The following IQCM variants were observed in gnomAD, a reference collection of about 807,000 sequenced individuals.
The protein encoded by IQCM is IQ motif containing M, also known as IQ domain-containing protein M.
Under a neutral mutation model 57.6 loss-of-function variants are expected in IQCM, and 45 were observed. The ratio of observed to expected loss-of-function variants is 0.78; its 90% confidence interval spans 0.62 to 1.00. The LOEUF is 1.00. IQCM is among the 50% of genes least tolerant of loss of function. The pLI is 0.00. For synonymous variants in IQCM, 148 were observed against 158.9 expected (o/e 0.93, Z 0.51); for missense variants, 468 against 511.6 (o/e 0.91, Z 0.82).
intron 13 of IQCM, among the ~76,000 whole-genome samples, chr4:149,412,903 T>C (rs930662116): frequency 6.6e-6 from 1 of 151,936 alleles, no homozygotes; most frequent in Non-Finnish European, 1.5e-5. Flanking sequence ...AAGTTCAGAG[T>C]GGCAAGGAGG....
chr4:149,610,603 A>C (rs1755193652), intron 8 of IQCM, among the ~76,000 whole-genome samples: 1 of 152,096 alleles, frequency 6.6e-6, no homozygotes, highest in African/African-American at 2.4e-5. Context: ...CAAAGGTGCC[A>C]AGAACACGGC....
intron 12 of IQCM, among the ~76,000 whole-genome samples, chr4:149,526,767 A>T (rs1579370077): frequency 6.6e-6 from 1 of 152,262 alleles, no homozygotes; most frequent in Non-Finnish European, 1.5e-5. Flanking sequence ...CAATATTTTA[A>T]ATATGTAAAC....
intron 2 of IQCM, among the ~76,000 whole-genome samples, chr4:149,810,362 C>CAAA (rs748565416): frequency 4.6e-5 from 4 of 86,232 alleles, no homozygotes; most frequent in Non-Finnish European, 5.6e-5. Flanking sequence ...ACACCATCTC[C>CAAA]AAAAAAAAAA....
At chr4:149,546,317 C>G (rs1357384473) in intron 12 of IQCM, among the ~76,000 whole-genome samples, 1 of 152,116 alleles carries the variant, frequency 6.6e-6, no homozygotes, top group Non-Finnish European at 1.5e-5. Flanking sequence ...ATTTATAATC[C>G]TTTGGGTATA....
At chr4:149,503,024 G>A (rs1743426754) in intron 12 of IQCM, among the ~76,000 whole-genome samples, 1 of 151,784 alleles carries the variant, frequency 6.6e-6, no homozygotes, top group Non-Finnish European at 1.5e-5. Context: ...ACCAGCCTGG[G>A]CAATATAGTG....
intron 13 of IQCM, among the ~76,000 whole-genome samples, chr4:149,425,683 G>C (rs75744424): frequency 0.01 from 1,592 of 152,004 alleles, 38 homozygotes; most frequent in African/African-American, 0.035. Flanking sequence ...ATGCTAAACT[G>C]GTCCAGAAAC....
chr4:149,448,610 A>G (rs1242295754), intron 12 of IQCM, among the ~76,000 whole-genome samples: 1 of 151,810 alleles, frequency 6.6e-6, no homozygotes, highest in Admixed American at 6.6e-5. Context: ...CAAAAAAAGA[A>G]GACAAAAAAT....
chr4:149,626,392 C>CATATATATATATATATAT lies in IQCM; in HGVS notation c.566-5149_566-5148insATATATATATATATATAT, dbSNP rs371051488. Among the ~76,000 whole-genome samples, 679 of 120,500 alleles carry CATATATATATATATATAT rather than the reference C, an allele frequency of 5.6e-3. 30 individuals are homozygous for CATATATATATATATATAT. Among genetic ancestry groups the CATATATATATATATATAT allele is most frequent in the African/African-American group, 0.01 (327 of 32,176 alleles). 79.1% of individuals were successfully genotyped at this position (120,500 alleles called of 152,430 possible). On this transcript the variant is annotated intron_variant, in intron 7 of 13. Transcript: ENST00000636793. ...GATTGTGTTAGTTATACTTAATAAA[C>CATATATATATATATATAT]ATATATATATATAAGTTTATAGCAA... is the stretch of plus-strand genomic sequence containing the variant.
At chr4:149,753,763 A>C (rs1387068831) in intron 2 of IQCM, among the ~76,000 whole-genome samples, 1 of 142,832 alleles carries the variant, frequency 7.0e-6, no homozygotes, top group Non-Finnish European at 1.5e-5. Context: ...AGACCAAAAA[A>C]AAAAAGATAT....
chr4:149,804,460 C>G (rs1773893757), intron 2 of IQCM, among the ~76,000 whole-genome samples: 1 of 152,036 alleles, frequency 6.6e-6, no homozygotes, highest in African/African-American at 2.4e-5. Context: ...ATCTGCCTGT[C>G]TCTCCAGTTT....
At chr4:149,561,057 C>T (rs917511721) in intron 10 of IQCM, among the ~76,000 whole-genome samples, 2 of 152,062 alleles carry the variant, frequency 1.3e-5, no homozygotes, top group Non-Finnish European at 2.9e-5. Context: ...ATCAACAAAG[C>T]AATCATCCAA....
intron 2 of IQCM, among the ~76,000 whole-genome samples, chr4:149,806,081 A>G (rs906325559): frequency 6.6e-6 from 1 of 151,792 alleles, no homozygotes; most frequent in African/African-American, 2.4e-5. Context: ...GCCAAATGAA[A>G]TAGAAACTTT....
At chr4:149,463,629 A>G (rs549139010) in intron 12 of IQCM, among the ~76,000 whole-genome samples, 1 of 152,318 alleles carries the variant, frequency 6.6e-6, no homozygotes, top group South Asian at 2.1e-4. Flanking sequence ...GGCTAAATTA[A>G]AAGTCCCTAA....
intron 5 of IQCM, among the ~76,000 whole-genome samples, chr4:149,724,533 C>T (rs1765722003): frequency 6.6e-6 from 1 of 151,720 alleles, no homozygotes; most frequent in African/African-American, 2.4e-5. Flanking sequence ...TCTCCCACAC[C>T]CATAAACACA....
intron 7 of IQCM, among the ~76,000 whole-genome samples, chr4:149,652,699 G>C (rs764410943): frequency 4.6e-5 from 7 of 151,940 alleles, no homozygotes; most frequent in Non-Finnish European, 7.4e-5. Flanking sequence ...ATTGATAGAT[G>C]TGAACAACAT....
chr4:149,658,811 T>G (rs1264386219), intron 7 of IQCM, among the ~76,000 whole-genome samples: 1 of 152,122 alleles, frequency 6.6e-6, no homozygotes, highest in South Asian at 2.1e-4. Context: ...CTACTGATTT[T>G]TGTATGTTGA....
intron 7 of IQCM, among the ~76,000 whole-genome samples, chr4:149,666,556 C>A (rs1760743313): frequency 6.6e-6 from 1 of 152,072 alleles, no homozygotes; most frequent in South Asian, 2.1e-4. Context: ...CCCAGTAGTG[C>A]CTGGAACATC....
chr4:149,784,328 C>G (rs1771881862), intron 2 of IQCM, among the ~76,000 whole-genome samples: 1 of 152,208 alleles, frequency 6.6e-6, no homozygotes, highest in Non-Finnish European at 1.5e-5. Flanking sequence ...AACATTCTGC[C>G]TGAATATGCT....
At chr4:149,740,881 G>C (rs958941152) in intron 3 of IQCM, among the ~76,000 whole-genome samples, 1 of 152,148 alleles carries the variant, frequency 6.6e-6, no homozygotes, top group Admixed American at 6.5e-5. Context: ...AAGAAGTGGA[G>C]AGAAGCTGTA....
Sources: allele counts gnomAD v4.1 joint callset (sites outside exome capture counted in the v4.1 genomes callset), GRCh38; gene constraint gnomAD v4.1.1; transcripts MANE v1.5; gene names NCBI Gene and HGNC (gene_info 2026-07-23, HGNC 2026-07-21).